The following ABHD2 variants were observed in gnomAD, a reference collection of about 807,000 sequenced individuals.
The protein encoded by ABHD2 is monoacylglycerol lipase ABHD2.
Under a neutral mutation model 48.1 loss-of-function variants are expected in ABHD2, and 20 were observed. The observed-to-expected ratio is 0.42, with a 90% CI of 0.29 to 0.60. The LOEUF is 0.60. Among genes scored for constraint, ABHD2 ranks in the 20% least tolerant of loss-of-function variants. The pLI, the probability that ABHD2 is intolerant of heterozygous loss-of-function variation, is 0.24. For synonymous variants in ABHD2, 209 were observed against 214.2 expected (o/e 0.98, Z 0.21); for missense variants, 405 against 550.9 (o/e 0.74, Z 2.65).
chr15:89,061,498 C>T, the ABHD2 span, among the ~76,000 whole-genome samples: 2 of 152,126 alleles, frequency 1.3e-5, no homozygotes, highest in Non-Finnish European at 2.9e-5. Flanking sequence ...GAAGCTCAAA[C>T]TCCAGCATTA....
intron 3 of ABHD2, among the ~76,000 whole-genome samples, chr15:89,140,388 C>G (rs2050382695): frequency 6.6e-6 from 1 of 152,172 alleles, no homozygotes. Flanking sequence ...AAACACTTCT[C>G]TGTGCTTGAA....
At chr15:89,078,596 C>T in the ABHD2 span, among the ~76,000 whole-genome samples, 1 of 152,200 alleles carries the variant, frequency 6.6e-6, no homozygotes, top group Non-Finnish European at 1.5e-5. Context: ...ATCTATCTCC[C>T]CAGGTGGCCT....
chr15:89,112,650 T>G (rs537688069), intron 1 of ABHD2, among the ~76,000 whole-genome samples: 124 of 152,360 alleles, frequency 8.1e-4, no homozygotes, highest in Non-Finnish European at 1.3e-3. Flanking sequence ...AAAAAGAAAT[T>G]GGGCTTGAAT....
Position 89,201,033 on chromosome 15 carries a change from G to T in ABHD2, c.*5610G>T. On this transcript the variant is annotated 3_prime_UTR_variant, in exon 11 of 11. Coordinates refer to ENST00000352732, the MANE Select transcript of ABHD2 (RefSeq NM_152924.5). ...GGAGACGGAGGTTGCAGTGAGCCGA[G>T]ATCACGCCTCTGCACTCCAGCCTGG... 1.5e-6 allele frequency: 1 copy of T among 651,956 alleles called. No individual in the cohort carries two copies. The highest frequency in any genetic ancestry group is 1.7e-5 in the South Asian group (1 of 58,282). 40.4% of individuals were successfully genotyped at this position (651,956 alleles called of 1,614,324 possible).
At position 89,201,278 on chromosome 15, in the gene ABHD2, C is replaced by G. The variant is rs2051462917; in HGVS notation, c.*5855C>G. 8.6e-7 allele frequency: 1 copy of G among 1,161,880 alleles called. No individual in the cohort carries two copies. The allele number at this position is 1,161,880 out of a possible 1,614,324, so 72.0% of individuals were successfully genotyped here. A position where few individuals can be genotyped will look rare whatever the true frequency, so the allele number is the denominator to read the frequency against. On this transcript the variant is annotated 3_prime_UTR_variant, in exon 11 of 11. Transcript: ENST00000352732. ...TAGCTTCATCATTTCTCCCTGAAGT[C>G]TTTTACACTCTTCTGTTAGTTTCCT...
chr15:89,042,184 C>A, the ABHD2 span, among the ~76,000 whole-genome samples: 41 of 152,286 alleles, frequency 2.7e-4, no homozygotes, highest in East Asian at 3.9e-4. Flanking sequence ...GGTTTTGTAA[C>A]CTGCTGAAGA....
intron 1 of ABHD2, among the ~76,000 whole-genome samples, chr15:89,111,961 T>A (rs1567071736): frequency 6.6e-6 from 1 of 152,168 alleles, no homozygotes; most frequent in African/African-American, 2.4e-5. Flanking sequence ...ATATATTGAT[T>A]GTATATTTTT....
chr15:89,110,053 T>G (rs2049848581), intron 1 of ABHD2, among the ~76,000 whole-genome samples: 1 of 152,138 alleles, frequency 6.6e-6, no homozygotes, highest in Non-Finnish European at 1.5e-5. Flanking sequence ...TTATTTAAAT[T>G]TTTCTTTTTA....
At chr15:89,061,049 C>T in the ABHD2 span, among the ~76,000 whole-genome samples, 7 of 151,946 alleles carry the variant, frequency 4.6e-5, no homozygotes, top group African/African-American at 1.2e-4. Context: ...TACTCATGGA[C>T]ATAATGATGG....
rs1181951328 is a variant in ABHD2, at chr15:89,116,905, A to T, written c.194+384A>T. The stretch of plus-strand genomic sequence containing the variant: ...CAAAATAATTAATAAGCAAAAAAGC[A>T]CAGATCCATTAGTTGAGTACTCTCC... On this transcript the variant is annotated intron_variant, in intron 3 of 10. Transcript: ENST00000352732. This position sits in a 1 kb window ranked among gnomAD's most constrained non-coding sequence, Gnocchi z 4.6. 6.6e-6 allele frequency among the ~76,000 whole-genome samples: 1 copy of T among 152,242 alleles called. No homozygotes were observed. Among genetic ancestry groups the T allele is most frequent in the Non-Finnish European group, 1.5e-5 (1 of 68,036 alleles).
chr15:89,152,377 C>A (rs1173938167), intron 4 of ABHD2, among the ~76,000 whole-genome samples: 3 of 152,154 alleles, frequency 2.0e-5, no homozygotes, highest in Non-Finnish European at 4.4e-5. Flanking sequence ...CCGCCCCCAG[C>A]CGTAGAATAG....
chr15:89,110,719 G>C (rs1355519163), intron 1 of ABHD2, among the ~76,000 whole-genome samples: 1 of 152,198 alleles, frequency 6.6e-6, no homozygotes, highest in East Asian at 1.9e-4. Flanking sequence ...TGAAACCTTG[G>C]ATCGAGGCTG....
chr15:89,079,306 C>CT, the ABHD2 span, among the ~76,000 whole-genome samples: 1 of 152,196 alleles, frequency 6.6e-6, no homozygotes. This position sits in a 1 kb window ranked among gnomAD's most constrained non-coding sequence, Gnocchi z 4.3. Flanking sequence ...ACCCTTCCTT[C>CT]TTTTTTTCCT....
At chr15:89,117,272 C>T (rs777704156) in intron 3 of ABHD2, among the ~76,000 whole-genome samples, 2 of 152,202 alleles carry the variant, frequency 1.3e-5, no homozygotes, top group Non-Finnish European at 2.9e-5. Context: ...GTGATCTGCC[C>T]GCCTTGGCCT....
the ABHD2 span, among the ~76,000 whole-genome samples, chr15:89,054,024 A>C: frequency 1.3e-5 from 2 of 152,322 alleles, no homozygotes; most frequent in East Asian, 1.9e-4. Flanking sequence ...TAGACAAGCC[A>C]AAACAAGAAA....
chr15:89,045,673 G>C, the ABHD2 span, among the ~76,000 whole-genome samples: 1 of 152,184 alleles, frequency 6.6e-6, no homozygotes, highest in Admixed American at 6.5e-5. Flanking sequence ...TTGTGAATGG[G>C]AGTTCACTCA....
chr15:89,058,495 T>A, the ABHD2 span, among the ~76,000 whole-genome samples: 12 of 152,162 alleles, frequency 7.9e-5, no homozygotes, highest in African/African-American at 2.9e-4. Context: ...CGGAGCCTAG[T>A]CTTGGGTGGG....
the ABHD2 span, among the ~76,000 whole-genome samples, chr15:89,063,725 C>T: frequency 6.6e-6 from 1 of 152,124 alleles, no homozygotes. Flanking sequence ...ACATCTATCA[C>T]CACGATTCAC....
chr15:89,138,101 C>T (rs887300311), intron 3 of ABHD2, among the ~76,000 whole-genome samples: 1 of 152,206 alleles, frequency 6.6e-6, no homozygotes, highest in Admixed American at 6.5e-5. Context: ...CAGCAAGGGC[C>T]CTGGCTTCCA....
Sources: gnomAD v4.1 joint callset for allele counts (sites outside exome capture counted in the v4.1 genomes callset) on GRCh38, gnomAD v4.1.1 for gene constraint, Gnocchi (gnomAD v3.1) non-coding constraint, MANE v1.5 for transcripts, NCBI Gene and HGNC (gene_info 2026-07-23, HGNC 2026-07-21) for gene names.